L3MBTL3: variants seen among roughly 807,000 people sequenced by gnomAD.
The protein encoded by L3MBTL3 is lethal(3)malignant brain tumor-like protein 3.
In L3MBTL3, 27 loss-of-function variants were observed where a neutral mutation model predicts 102.3. The observed-to-expected ratio is 0.26, with a 90% CI of 0.19 to 0.36. L3MBTL3 has a LOEUF of 0.36. L3MBTL3 is among the 10% of genes least tolerant of loss of function. The probability of loss-of-function intolerance (pLI) is 1.00; values close to 1 mark genes in which losing one functional copy is unlikely to be tolerated. For missense variants in L3MBTL3, 798 were observed against 955.3 expected (o/e 0.84, Z 2.17); for synonymous variants, 340 against 320.9 (o/e 1.06, Z -0.64).
At chr6:130,078,813 A>G (rs529204690) in intron 14 of L3MBTL3, among the ~76,000 whole-genome samples, 179 bp downstream of exon 14, 1 of 152,334 alleles carries the variant, frequency 6.6e-6, no homozygotes, top group Admixed American at 6.5e-5. Flanking sequence ...ACCAATGTGC[A>G]TGGGTGTGTT....
At chr6:130,066,958 C>G (rs181014075) in intron 11 of L3MBTL3, among the ~76,000 whole-genome samples, 1 of 152,144 alleles carries the variant, frequency 6.6e-6, no homozygotes, top group African/African-American at 2.4e-5. Context: ...GACTGTAACA[C>G]TAAAAATTGG....
At position 130,062,230 on chromosome 6, in the gene L3MBTL3, G is replaced by C. The variant is rs555137884; in HGVS notation, c.864+2090G>C. The stretch of plus-strand genomic sequence containing the variant: ...AAGAGTGCATATTAATAAAAGTCCT[G>C]TTTCAGATCCCCCTTCCTTCCTCCC... On this transcript the variant is annotated intron_variant, in intron 10 of 22. Coordinates refer to ENST00000361794, the MANE Select transcript of L3MBTL3 (RefSeq NM_032438.4). Among the ~76,000 whole-genome samples the C allele has an allele frequency of 3.9e-5, 6 of 152,202 alleles. No individual in the cohort carries two copies. In the South Asian group the frequency reaches 1.2e-3, roughly 32 times the overall value.
At chr6:130,053,058 A>G in intron 7 of L3MBTL3, 67 bp downstream of exon 7, 2 of 1,263,802 alleles carry the variant, frequency 1.6e-6, no homozygotes, top group African/African-American at 1.4e-5. Flanking sequence ...CACAGTCACA[A>G]GCACTGCTCT....
At chr6:130,119,631 A>T (rs1785989805) in intron 19 of L3MBTL3, among the ~76,000 whole-genome samples, 1 of 152,118 alleles carries the variant, frequency 6.6e-6, no homozygotes, top group Admixed American at 6.6e-5. Context: ...AAAAATAATG[A>T]TTCTCCCCCA....
chr6:130,051,192 A>G (rs1020228017), intron 5 of L3MBTL3, 57 bp from the exon 6 acceptor site: 10 of 1,439,486 alleles, frequency 6.9e-6, no homozygotes, highest in South Asian at 1.2e-5. Flanking sequence ...GTTTGATTGT[A>G]TTTTAGAATG....
chr6:130,125,708 G>A (rs905526775), intron 20 of L3MBTL3, among the ~76,000 whole-genome samples: 6 of 152,164 alleles, frequency 3.9e-5, no homozygotes, highest in African/African-American at 1.4e-4. Flanking sequence ...GGCAGAAGCA[G>A]CCCTTTCAAA....
At chr6:130,106,107 C>A (rs979679634) in intron 19 of L3MBTL3, among the ~76,000 whole-genome samples, 7 of 152,056 alleles carry the variant, frequency 4.6e-5, no homozygotes. Context: ...TATTTCATGT[C>A]TAAATATTTT....
chr6:130,094,182 C>T, intron 17 of L3MBTL3, 83 bp from the exon 18 acceptor site: 42 of 1,072,652 alleles, frequency 3.9e-5, no homozygotes, highest in South Asian at 1.3e-4. Context: ...CTTTTTCTTC[C>T]TTATTCTGAT....
intron 22 of L3MBTL3, among the ~76,000 whole-genome samples, chr6:130,136,613 A>G (rs1392637644): frequency 1.6e-5 from 2 of 128,734 alleles, no homozygotes; most frequent in African/African-American, 5.6e-5. Flanking sequence ...GTTTAATCAT[A>G]GCACAAATCA....
rs950860887 is a variant in L3MBTL3 at position 130,120,795 on chromosome 6, G to A, written c.1887-84G>A. On this transcript the variant is annotated intron_variant, in intron 19 of 22. Transcript: ENST00000361794. ...GTAGCATCCTTTGGTTTAAAATTAGGAAAAGCACTTGTTGAGATGTAGTTC... is the reference window on the plus strand; with the variant it reads ...GTAGCATCCTTTGGTTTAAAATTAGAAAAAGCACTTGTTGAGATGTAGTTC... 15 of 998,290 alleles carry A rather than the reference G, an allele frequency of 1.5e-5. No homozygotes were observed. In the Admixed American group the frequency reaches 2.9e-4, roughly 20 times the overall value. The allele number at this position is 998,290 out of a possible 1,614,324, so 61.8% of individuals were successfully genotyped here. A position where few individuals can be genotyped will look rare whatever the true frequency, so the allele number is the denominator to read the frequency against.
chr6:130,090,672 T>C (rs1341014829), intron 16 of L3MBTL3, among the ~76,000 whole-genome samples: 1 of 152,176 alleles, frequency 6.6e-6, no homozygotes, highest in East Asian at 1.9e-4. Context: ...CTTGGCTCAC[T>C]GTAGCCTCAA....
At chr6:130,108,220 GTTTTTTT>G (rs376419261) in intron 19 of L3MBTL3, among the ~76,000 whole-genome samples, 3 of 118,724 alleles carry the variant, frequency 2.5e-5, no homozygotes, top group Non-Finnish European at 1.8e-5. Context: ...ATGTTAGGTG[GTTTTTTT>G]TTTGTTTTTT....
intron 2 of L3MBTL3, among the ~76,000 whole-genome samples, chr6:130,026,092 G>A (rs567584502): frequency 6.6e-6 from 1 of 151,316 alleles, no homozygotes; most frequent in South Asian, 2.1e-4. Flanking sequence ...CGGCAGATGG[G>A]GTTGCTCTTT....
intron 13 of L3MBTL3, 101 bp downstream of exon 13, chr6:130,071,228 T>C (rs997599438): frequency 1.9e-6 from 2 of 1,031,652 alleles, no homozygotes; most frequent in Non-Finnish European, 2.8e-6. Flanking sequence ...AAAAAAGCAG[T>C]GTTCTGCCCC....
rs545389909 is a variant in L3MBTL3 at position 130,048,699 on chromosome 6, A to T, written c.103-583A>T. On this transcript the variant is annotated intron_variant, in intron 3 of 22. Transcript: ENST00000361794. ...AATGCAGAATTCTAAAGAGCAGTGAAAGAAAGAGGAAATGTGGCACTGGGG... is the reference window on the plus strand; with the variant it reads ...AATGCAGAATTCTAAAGAGCAGTGATAGAAAGAGGAAATGTGGCACTGGGG... Among the ~76,000 whole-genome samples, 17 of 152,288 alleles carry T rather than the reference A, an allele frequency of 1.1e-4. No homozygotes were observed. The East Asian group carries it at 2.9e-3, about 26-fold the overall frequency.
At chr6:130,117,595 G>T (rs927927855) in intron 19 of L3MBTL3, among the ~76,000 whole-genome samples, 6 of 152,176 alleles carry the variant, frequency 3.9e-5, no homozygotes, top group African/African-American at 1.4e-4. Context: ...TCATTTTTGT[G>T]TAGAGAAAGA....
chr6:130,020,191 C>G (rs1257104220), intron 1 of L3MBTL3, among the ~76,000 whole-genome samples: 3 of 150,364 alleles, frequency 2.0e-5, no homozygotes, highest in Non-Finnish European at 4.4e-5. Flanking sequence ...GCTTTGCACA[C>G]TCGCGTCCTG....
chr6:130,099,821 T>C (rs1433915414), intron 18 of L3MBTL3, among the ~76,000 whole-genome samples: 1 of 152,196 alleles, frequency 6.6e-6, no homozygotes, highest in African/African-American at 2.4e-5. Context: ...TAAAATAAAT[T>C]GGTGACAATA....
At chr6:130,030,070 G>A (rs977149135) in intron 2 of L3MBTL3, among the ~76,000 whole-genome samples, 1 of 152,022 alleles carries the variant, frequency 6.6e-6, no homozygotes, top group Non-Finnish European at 1.5e-5. Flanking sequence ...TGTTGACCAG[G>A]CTGGTCTTGA....
Sources: allele counts gnomAD v4.1 joint callset (sites outside exome capture counted in the v4.1 genomes callset), GRCh38; gene constraint gnomAD v4.1.1; transcripts MANE v1.5; gene names NCBI Gene and HGNC (gene_info 2026-07-23, HGNC 2026-07-21).